KLB: variants seen among roughly 807,000 people sequenced by gnomAD.
KLB encodes the protein beta-klotho.
KLB carries 44 observed loss-of-function variants against 88.4 expected under a neutral mutation model. The ratio of observed to expected loss-of-function variants is 0.50; its 90% CI spans 0.39 to 0.64. The LOEUF (loss-of-function observed/expected upper bound fraction) is 0.64. Ranked by LOEUF, KLB falls within the 30% of genes least tolerant of loss-of-function variation. The probability of loss-of-function intolerance (pLI) is 0.00; values close to 1 mark genes in which losing one functional copy is unlikely to be tolerated. For synonymous variants in KLB, 548 were observed against 513.4 expected (o/e 1.07, Z -0.91); for missense variants, 1,137 against 1,304.8 (o/e 0.87, Z 1.98).
In KLB at chr4:39,447,334, C is replaced by T. The variant is rs1743777363; in HGVS notation, c.2608C>T (p.Arg870Cys). 1.2e-6 allele frequency: 2 copies of T among 1,614,108 alleles called. No individual in the cohort carries two copies. The highest frequency in any genetic ancestry group is 1.7e-6 in the Non-Finnish European group (2 of 1,180,020). ...CCTGGCTGTGATTCCCTGGGGGGTG[C>T]GCAAGCTGCTGCGGTGGGTCCGGAG... is the stretch of plus-strand genomic sequence containing the variant. ...TRLAVIPWGV[R>C]KLLRWVRRNY... Residue 870 changes from arginine (R) to cysteine (C), a missense_variant, in exon 4 of 5, where the codon CGC becomes TGC. By Grantham distance (180) the Arg-to-Cys change is radical (BLOSUM62 -3). Around this residue, in one of 4 missense-constraint regions of KLB, gnomAD observed 426 missense variants for 404.6 expected, o/e 1.05. Transcript: ENST00000257408.
chr4:39,426,251 CA>C (rs36101900), intron 1 of KLB, among the ~76,000 whole-genome samples: 15 of 129,686 alleles, frequency 1.2e-4, no homozygotes, highest in Non-Finnish European at 9.5e-5. Flanking sequence ...GACTCCATCT[CA>C]AAAAAAAAAA....
At chr4:39,434,792 A>T in intron 2 of KLB, 72 bp downstream of exon 2, 1 of 1,153,140 alleles carries the variant, frequency 8.7e-7, no homozygotes, top group Non-Finnish European at 1.2e-6. Flanking sequence ...ACCTTTGAAT[A>T]TGTAACTATT....
intron 1 of KLB, among the ~76,000 whole-genome samples, chr4:39,426,077 A>C (rs1440463727): frequency 6.6e-6 from 1 of 152,090 alleles, no homozygotes; most frequent in South Asian, 2.1e-4. Flanking sequence ...ATGGTGAAAC[A>C]CCATCTCTAA....
Position 39,434,730 on chromosome 4 carries a change from A to C in KLB, c.1336+10A>C, listed in dbSNP as rs1410009397. ...AGCCAGGTGCTTCAAGGTTGGTTGT[A>C]CACTTGCTTAATTTTTTAAAAATTC... is the stretch of plus-strand genomic sequence containing the variant. On this transcript the variant is annotated intron_variant, in intron 2 of 4. Transcript: ENST00000257408. 1 of 1,572,224 alleles carries C rather than the reference A, an allele frequency of 6.4e-7. No homozygotes were observed. Among genetic ancestry groups the C allele is most frequent in the Non-Finnish European group, 8.6e-7 (1 of 1,162,880 alleles).
intron 1 of KLB, among the ~76,000 whole-genome samples, chr4:39,418,600 T>C (rs1743012529): frequency 6.6e-6 from 1 of 151,774 alleles, no homozygotes; most frequent in Admixed American, 6.6e-5. Flanking sequence ...CTGCATATAA[T>C]GCCAACCCAT....
At position 39,409,354 on chromosome 4, in the gene KLB, G is replaced by C. The variant is rs866154711; in HGVS notation, c.825+1580G>C. On this transcript the variant is annotated intron_variant, in intron 1 of 4. Coordinates refer to ENST00000257408, the MANE Select transcript of KLB (RefSeq NM_175737.4). ...GTCACCCAGGCTGGAGTGCAATGGC[G>C]CAGTCTTGGCTCACTGCAATCTCCA... is the stretch of plus-strand genomic sequence containing the variant. 5.2e-4 allele frequency among the ~76,000 whole-genome samples: 78 copies of C among 149,540 alleles called. 1 individual carries two copies. Among genetic ancestry groups the C allele is most frequent in the Non-Finnish European group, 1.9e-4 (13 of 67,634 alleles).
At chr4:39,447,801 T>TG (rs1743792741) in intron 4 of KLB, among the ~76,000 whole-genome samples, 1 of 152,180 alleles carries the variant, frequency 6.6e-6, no homozygotes, top group South Asian at 2.1e-4. Flanking sequence ...AAAATGGTTG[T>TG]GGGTAAACAG....
rs903400272 is a variant in KLB, at chr4:39,448,174, C to A, written c.2750-127C>A. 10 of 631,374 alleles carry A rather than the reference C, an allele frequency of 1.6e-5. No homozygotes were observed. The African/African-American group carries it at 1.9e-4, about 12-fold the overall frequency. The allele number at this position is 631,374 out of a possible 1,614,324, so 39.1% of individuals were successfully genotyped here. ...ATAAAAGAATAAATGTCAAAAAAAACCCTCTAATAAAAATCACTACCTTTA... is the reference window on the plus strand; with the variant it reads ...ATAAAAGAATAAATGTCAAAAAAAAACCTCTAATAAAAATCACTACCTTTA... On this transcript the variant is annotated intron_variant, in intron 4 of 4. Transcript: ENST00000257408.
At chr4:39,418,107 CTATGAACCATTT>C (rs1743002318) in intron 1 of KLB, among the ~76,000 whole-genome samples, 1 of 152,212 alleles carries the variant, frequency 6.6e-6, no homozygotes, top group Admixed American at 6.5e-5. Context: ...TCCATGAGAT[CTATGAACCATTT>C]ATCCCCTGAC....
rs745381159 is a variant in KLB, at chr4:39,406,956, C to A, written c.7C>A (p.Pro3Thr). 1.9e-6 allele frequency: 3 copies of A among 1,605,574 alleles called. No individual in the cohort carries two copies. Among genetic ancestry groups the A allele is most frequent in the Non-Finnish European group, 2.6e-6 (3 of 1,174,108 alleles). Residue 3 changes from proline (P) to threonine (T), a missense_variant, in exon 1 of 5, where the codon CCA becomes ACA. Physicochemically the swap from Pro to Thr is conservative, Grantham distance 38. Coordinates refer to ENST00000257408, the MANE Select transcript of KLB (RefSeq NM_175737.4). MK[P>T]GCAAGSPGNE... is the part of the protein sequence containing the mutation. The stretch of plus-strand genomic sequence containing the variant: ...GTCCAGCAGTTGGTGGCAAATGAAG[C>A]CAGGCTGTGCGGCAGGATCTCCAGG...
At position 39,415,367 on chromosome 4, in the gene KLB, G is replaced by A. The variant is rs1742944372; in HGVS notation, c.825+7593G>A. Among the ~76,000 whole-genome samples, 3 of 152,216 alleles carry A rather than the reference G, an allele frequency of 2.0e-5. No individual in the cohort carries two copies. In the South Asian group the frequency reaches 6.2e-4, roughly 32 times the overall value. On this transcript the variant is annotated intron_variant, in intron 1 of 4. Coordinates refer to ENST00000257408, the MANE Select transcript of KLB (RefSeq NM_175737.4). ...TTTGAGGCCAGGTGAAGTGGCTCAT[G>A]CCTGTATTCTCAACACTTTGGGAGG...
chr4:39,448,160 A>C, intron 4 of KLB, 141 bp from the exon 5 acceptor site: 1 of 607,488 alleles, frequency 1.6e-6, no homozygotes, highest in Non-Finnish European at 2.8e-6. Context: ...TAAAAGAATA[A>C]ATGTCAAAAA....
Position 39,447,296 on chromosome 4 carries a change from G to C in KLB, c.2570G>C (p.Ser857Thr), listed in dbSNP as rs1179278575. ...IQFLQDITRLSSPTRLAVIPW... is the reference protein window; with the variant it reads ...IQFLQDITRLTSPTRLAVIPW... ...TTTCTGCAGGACATCACCCGCCTGA[G>C]CTCCCCCACGCGCCTGGCTGTGATT... Residue 857 changes from serine (S) to threonine (T), a missense_variant, in exon 4 of 5, where the codon AGC becomes ACC. Coordinates refer to ENST00000257408, the MANE Select transcript of KLB (RefSeq NM_175737.4). The C allele has an allele frequency of 6.2e-7, 1 of 1,614,092 alleles. No individual in the cohort carries two copies. The highest frequency in any genetic ancestry group is 2.2e-5 in the East Asian group (1 of 44,888).
At chr4:39,410,981 G>T (rs1325199561) in intron 1 of KLB, among the ~76,000 whole-genome samples, 2 of 152,140 alleles carry the variant, frequency 1.3e-5, no homozygotes, top group Non-Finnish European at 2.9e-5. Context: ...CCTTAATGCG[G>T]GTCTAAGACT....
chr4:39,434,003 G>T (rs867001019), intron 1 of KLB, among the ~76,000 whole-genome samples: 5 of 152,222 alleles, frequency 3.3e-5, no homozygotes, highest in South Asian at 4.1e-4. Flanking sequence ...CTTTCTGCCA[G>T]CCTCCAGCTC....
At chr4:39,443,728 T>C (rs1404796899) in intron 3 of KLB, among the ~76,000 whole-genome samples, 2 of 132,938 alleles carry the variant, frequency 1.5e-5, no homozygotes, top group Non-Finnish European at 3.1e-5. Flanking sequence ...ACCATTGCAT[T>C]CCAGCCTGGG....
rs553467099 is a variant in KLB, at chr4:39,420,770, C to A, written c.825+12996C>A. Reference sequence around the variant, plus strand: ...GGTTCAAATGATCCTCCCACTTCAGCCTTCTAAAGTGCCGAGATTACAGGC... The same window carrying A: ...GGTTCAAATGATCCTCCCACTTCAGACTTCTAAAGTGCCGAGATTACAGGC... On this transcript the variant is annotated intron_variant, in intron 1 of 4. Coordinates refer to ENST00000257408, the MANE Select transcript of KLB (RefSeq NM_175737.4). 3.3e-5 allele frequency among the ~76,000 whole-genome samples: 5 copies of A among 152,288 alleles called. No homozygotes were observed. The East Asian group carries it at 9.6e-4, about 29-fold the overall frequency.
At chr4:39,425,892 C>T (rs983641959) in intron 1 of KLB, among the ~76,000 whole-genome samples, 13 of 151,592 alleles carry the variant, frequency 8.6e-5, no homozygotes, top group South Asian at 2.1e-4. Flanking sequence ...CTGAGGCGGG[C>T]GGATTACTTG....
intron 4 of KLB, 38 bp downstream of exon 4, chr4:39,447,513 G>A (rs1560654754): frequency 6.8e-7 from 1 of 1,477,068 alleles, no homozygotes; most frequent in Non-Finnish European, 9.0e-7. Context: ...GGCAGAGCGA[G>A]ATTCCTGTTA....
Sources: gnomAD v4.1 joint callset for allele counts (sites outside exome capture counted in the v4.1 genomes callset) on GRCh38, gnomAD v4.1.1 for gene constraint, gnomAD v4.1.1 regional missense constraint, MANE v1.5 for transcripts, NCBI Gene and HGNC (gene_info 2026-07-23, HGNC 2026-07-21) for gene names.